The following PTGFRN variants were observed in gnomAD, a reference collection of about 807,000 sequenced individuals.
PTGFRN encodes prostaglandin F2 receptor negative regulator.
In PTGFRN, 35 loss-of-function variants were observed where a neutral mutation model predicts 83.2. The observed-to-expected ratio is 0.42, with a 90% CI of 0.32 to 0.56. The LOEUF (loss-of-function observed/expected upper bound fraction) is 0.56, where lower values mean the gene tolerates loss of function less well. Among genes scored for constraint, PTGFRN ranks in the 20% least tolerant of loss-of-function variants. The pLI is 0.11. For synonymous variants in PTGFRN, 519 were observed against 498.6 expected (o/e 1.04, Z -0.55); for missense variants, 1,051 against 1,179.5 (o/e 0.89, Z 1.60).
At chr1:116,959,376 G>A (rs997178967) in intron 4 of PTGFRN, among the ~76,000 whole-genome samples, 4 of 152,214 alleles carry the variant, frequency 2.6e-5, no homozygotes, top group Admixed American at 1.3e-4. Flanking sequence ...ATGGGCACAA[G>A]CAATTAAATA....
At chr1:116,935,340 T>G (rs553949809) in intron 1 of PTGFRN, among the ~76,000 whole-genome samples, 1 of 152,286 alleles carries the variant, frequency 6.6e-6, no homozygotes, top group East Asian at 1.9e-4. Flanking sequence ...AGCAAATATC[T>G]GAAGAGAAAA....
At chr1:116,983,455 C>T (rs1003995619) in intron 7 of PTGFRN, among the ~76,000 whole-genome samples, 2 of 149,998 alleles carry the variant, frequency 1.3e-5, no homozygotes, top group African/African-American at 4.9e-5. Flanking sequence ...ATGGCACTCC[C>T]TCTGCCCCCA....
At chr1:116,973,747 C>G (rs574954301) in intron 6 of PTGFRN, among the ~76,000 whole-genome samples, 27 of 152,284 alleles carry the variant, frequency 1.8e-4, no homozygotes, top group African/African-American at 6.0e-4. Flanking sequence ...CAGATTTCAG[C>G]CTCTTGGTAA....
At chr1:116,983,224 G>C (rs1317076707) in intron 7 of PTGFRN, among the ~76,000 whole-genome samples, 3 of 152,164 alleles carry the variant, frequency 2.0e-5, no homozygotes, top group Admixed American at 6.5e-5. Flanking sequence ...CTGGTGCTGG[G>C]ATGCTAGCCC....
At chr1:116,956,260 T>C (rs560301247) in intron 4 of PTGFRN, among the ~76,000 whole-genome samples, 34 of 152,310 alleles carry the variant, frequency 2.2e-4, no homozygotes, top group Non-Finnish European at 4.4e-4. Flanking sequence ...TTGTTTGCCT[T>C]TGCATTAAAA....
intron 5 of PTGFRN, among the ~76,000 whole-genome samples, chr1:116,964,084 C>CA (rs200663157): frequency 6.6e-6 from 1 of 151,968 alleles, no homozygotes; most frequent in African/African-American, 2.4e-5. Flanking sequence ...CGGGCGCCCC[C>CA]CCTTTTTTAT....
chr1:116,918,196 T>G lies in PTGFRN; in HGVS notation c.49+7944T>G, dbSNP rs1649454725. Among the ~76,000 whole-genome samples, 1 of 152,196 alleles carries G rather than the reference T, an allele frequency of 6.6e-6. No individual in the cohort carries two copies. Among genetic ancestry groups the G allele is most frequent in the African/African-American group, 2.4e-5 (1 of 41,450 alleles). Reference sequence around the variant, plus strand: ...TATACCCTTCCAGCCTTACTTCATCTCCCAATTAAAAGAGGAAAAAATAGG... The same window carrying G: ...TATACCCTTCCAGCCTTACTTCATCGCCCAATTAAAAGAGGAAAAAATAGG... On this transcript the variant is annotated intron_variant, in intron 1 of 8. Transcript: ENST00000393203. The surrounding 1 kb of genome is among the most constrained non-coding windows in gnomAD (Gnocchi z 4.1).
Position 116,923,670 on chromosome 1 carries a change from A to G in PTGFRN, c.49+13418A>G, listed in dbSNP as rs1309357219. Among the ~76,000 whole-genome samples the G allele has an allele frequency of 5.3e-5, 8 of 152,076 alleles. No homozygotes were observed. The highest frequency in any genetic ancestry group is 1.7e-4 in the African/African-American group (7 of 41,412). On this transcript the variant is annotated intron_variant, in intron 1 of 8. Transcript: ENST00000393203. The surrounding 1 kb of genome is among the most constrained non-coding windows in gnomAD (Gnocchi z 4.0). Reference sequence around the variant, plus strand: ...AAGCAGACTTCTTCAGTCCCAGTGTATGCGTCGAGTGCCTCGTGGCTGGGT... The same window carrying G: ...AAGCAGACTTCTTCAGTCCCAGTGTGTGCGTCGAGTGCCTCGTGGCTGGGT...
In PTGFRN at chr1:116,952,820, G is replaced by A. The variant is rs1570663370; in HGVS notation, c.1213+3248G>A. 6.6e-6 allele frequency among the ~76,000 whole-genome samples: 1 copy of A among 152,192 alleles called. No individual in the cohort carries two copies. Reference sequence around the variant, plus strand: ...AAAGGCCCTAAATGATGGTTTAAATGGATGTTTCTTATATCCACCCTCTAT... The same window carrying A: ...AAAGGCCCTAAATGATGGTTTAAATAGATGTTTCTTATATCCACCCTCTAT... On this transcript the variant is annotated intron_variant, in intron 4 of 8. Transcript: ENST00000393203. This position sits in a 1 kb window ranked among gnomAD's most constrained non-coding sequence, Gnocchi z 4.0.
chr1:116,974,402 G>C (rs1387287006), intron 7 of PTGFRN, 79 bp downstream of exon 7: 16 of 1,120,078 alleles, frequency 1.4e-5, no homozygotes, highest in Non-Finnish European at 2.1e-5. Context: ...GTGTTACACA[G>C]ATGTGGGTTA....
At chr1:116,986,207 G>C (rs1280422456) in intron 8 of PTGFRN, among the ~76,000 whole-genome samples, 1 of 152,238 alleles carries the variant, frequency 6.6e-6, no homozygotes, top group African/African-American at 2.4e-5. Context: ...ATGGGGAAAG[G>C]AAGGTGGGAT....
intron 1 of PTGFRN, among the ~76,000 whole-genome samples, chr1:116,910,525 G>A (rs978766440): frequency 1.3e-5 from 2 of 151,990 alleles, no homozygotes; most frequent in African/African-American, 2.4e-5. Flanking sequence ...CGGGGGGAGT[G>A]GCCCGGGGCC....
intron 5 of PTGFRN, among the ~76,000 whole-genome samples, chr1:116,964,238 C>G (rs554150863): frequency 6.6e-6 from 1 of 152,130 alleles, no homozygotes; most frequent in African/African-American, 2.4e-5. Context: ...CTCTCTGGTA[C>G]CTACTCAAAT....
chr1:116,962,059 T>G (rs1650679356), intron 5 of PTGFRN, among the ~76,000 whole-genome samples: 1 of 152,132 alleles, frequency 6.6e-6, no homozygotes, highest in South Asian at 2.1e-4. Flanking sequence ...TTCCCACACT[T>G]CTCATAACTG....
At chr1:116,935,198 G>C (rs1926841) in intron 1 of PTGFRN, among the ~76,000 whole-genome samples, 121,364 of 152,114 alleles carry the variant, frequency 0.8, 48,635 homozygotes, top group East Asian at 0.95. Flanking sequence ...CCTTTTTTTC[G>C]TAGGATCTTG....
chr1:116,953,053 A>G (rs1482394381), intron 4 of PTGFRN, among the ~76,000 whole-genome samples: 1 of 152,240 alleles, frequency 6.6e-6, no homozygotes, highest in Non-Finnish European at 1.5e-5. Context: ...GTTGGATACT[A>G]ATCAGTTCAT....
chr1:116,927,080 G>A (rs979167338), intron 1 of PTGFRN, among the ~76,000 whole-genome samples: 1 of 152,128 alleles, frequency 6.6e-6, no homozygotes, highest in African/African-American at 2.4e-5. Context: ...TAGCATTTGG[G>A]AAGAAAACAG....
At chr1:116,919,828 G>A (rs1292700585) in intron 1 of PTGFRN, among the ~76,000 whole-genome samples, 4 of 152,246 alleles carry the variant, frequency 2.6e-5, no homozygotes, top group Non-Finnish European at 4.4e-5. Flanking sequence ...GATAACATTT[G>A]TTTCCTTGTC....
At position 116,987,499 on chromosome 1, in the gene PTGFRN, C is replaced by A. The variant is rs1349335279; in HGVS notation, c.*532C>A. Reference sequence around the variant, plus strand: ...TGGCTTTTACGACCCTACCCCACCCCCTGTTTTCAGGGGTTTAGACTACAT... The same window carrying A: ...TGGCTTTTACGACCCTACCCCACCCACTGTTTTCAGGGGTTTAGACTACAT... On this transcript the variant is annotated 3_prime_UTR_variant, in exon 9 of 9. Transcript: ENST00000393203. The A allele has an allele frequency of 1.3e-5, 2 of 154,092 alleles. No individual in the cohort carries two copies. Among genetic ancestry groups the A allele is most frequent in the African/African-American group, 4.8e-5 (2 of 41,396 alleles). 9.5% of individuals were successfully genotyped at this position (154,092 alleles called of 1,614,324 possible).
Sources: allele counts gnomAD v4.1 joint callset (sites outside exome capture counted in the v4.1 genomes callset), GRCh38; gene constraint gnomAD v4.1.1; non-coding constraint Gnocchi (gnomAD v3.1); transcripts MANE v1.5; gene names NCBI Gene and HGNC (gene_info 2026-07-23, HGNC 2026-07-21).